Variants in TRARG1 observed in about 807,000 individuals in gnomAD.
The protein encoded by TRARG1 is trafficking regulator of GLUT4 1.
A neutral mutation model predicts 13.3 loss-of-function variants in TRARG1; 16 were observed. The observed-to-expected ratio is 1.20, with a 90% CI of 0.81 to 1.83. TRARG1 has a LOEUF of 1.83. TRARG1 is among the 40% of genes most tolerant of loss of function. The pLI, the probability that TRARG1 is intolerant of heterozygous loss-of-function variation, is 0.00. For synonymous variants in TRARG1, 113 were observed against 106.2 expected, an observed-to-expected ratio of 1.06 and a Z score of -0.39; for missense variants, 250 against 237.4, an observed-to-expected ratio of 1.05 and a Z score of -0.35.
At chr17:1,286,813 TCGGCC>T (rs2072028806) in intron 1 of TRARG1, among the ~76,000 whole-genome samples, 2 of 106,040 alleles carry the variant, frequency 1.9e-5, no homozygotes, top group Admixed American at 1.1e-4. Flanking sequence ...TGGGGTGTTG[TCGGCC>T]TGTGGGGTGT....
rs1399382435 is a variant in TRARG1 at position 1,290,965 on chromosome 17, GCA to G, written c.388-4523_388-4522del. Among the ~76,000 whole-genome samples, 5 of 151,812 alleles carry G rather than the reference GCA, an allele frequency of 3.3e-5. No individual in the cohort carries two copies. In the East Asian group the frequency reaches 5.8e-4, roughly 18 times the overall value. On this transcript the variant is annotated intron_variant, in intron 1 of 2. Transcript: ENST00000333813. ...TTGTGGCCCAGGCTGGAGGGCAGTG[GCA>G]CAGTCTTGGCTCACTGCAACCTCCA...
chr17:1,299,810 C>A lies in TRARG1; in HGVS notation c.*1546C>A, dbSNP rs2072141521. ...GTCAGCATCCTTTGTCCCATCAGGA[C>A]CCTCCTGCCTCCTCTCCAGGCCCTT... On this transcript the variant is annotated 3_prime_UTR_variant, in exon 3 of 3. Coordinates refer to ENST00000333813, the MANE Select transcript of TRARG1 (RefSeq NM_172367.3). 6.5e-6 allele frequency: 1 copy of A among 152,892 alleles called. No homozygotes were observed. Among genetic ancestry groups the A allele is most frequent in the South Asian group, 2.1e-4 (1 of 4,846 alleles). 9.5% of individuals were successfully genotyped at this position (152,892 alleles called of 1,614,324 possible).
At chr17:1,281,549 CA>C (rs1256233234) in intron 1 of TRARG1, among the ~76,000 whole-genome samples, 5 of 152,276 alleles carry the variant, frequency 3.3e-5, no homozygotes, top group East Asian at 3.9e-4. Context: ...TTCAGGACAT[CA>C]GGGGGCACTG....
intron 2 of TRARG1, among the ~76,000 whole-genome samples, chr17:1,296,006 G>A (rs538265433): frequency 6.6e-6 from 1 of 152,280 alleles, no homozygotes; most frequent in South Asian, 2.1e-4. Context: ...AGAGGCTTTT[G>A]TGAGCATCAC....
chr17:1,296,001 C>T (rs2072108278), intron 2 of TRARG1, among the ~76,000 whole-genome samples: 1 of 152,116 alleles, frequency 6.6e-6, no homozygotes, highest in Admixed American at 6.5e-5. Flanking sequence ...CCAGCAGAGG[C>T]TTTTGTGAGC....
Position 1,280,040 on chromosome 17 carries a change from G to C in TRARG1, c.39G>C (p.Gln13His). The stretch of plus-strand genomic sequence containing the variant: ...TGCAGTCCGAGTTTCCTTCAGCACA[G>C]GAGCCAGGCTCCGCCGCATTCCTGG... ...HPVQSEFPSA[Q>H]EPGSAAFLDL... Residue 13 changes from glutamine (Q) to histidine (H), a missense_variant, in exon 1 of 3, where the codon CAG becomes CAC. Coordinates refer to ENST00000333813, the MANE Select transcript of TRARG1 (RefSeq NM_172367.3). 6.2e-7 allele frequency: 1 copy of C among 1,613,292 alleles called. No homozygotes were observed. Among genetic ancestry groups the C allele is most frequent in the Non-Finnish European group, 8.5e-7 (1 of 1,179,986 alleles).
rs867170991 is a variant in TRARG1 at position 1,282,224 on chromosome 17, G to A, written c.387+1836G>A. Among the ~76,000 whole-genome samples, 239 of 115,604 alleles carry A rather than the reference G, an allele frequency of 2.1e-3. 1 individual carries two copies. Among genetic ancestry groups the A allele is most frequent in the African/African-American group, 7.8e-3 (220 of 28,108 alleles). 75.8% of individuals were successfully genotyped at this position (115,604 alleles called of 152,430 possible). On this transcript the variant is annotated intron_variant, in intron 1 of 2. Coordinates refer to ENST00000333813, the MANE Select transcript of TRARG1 (RefSeq NM_172367.3). ...CGTGCGTATATGTACGTATACACGT[G>A]CGTATATGTACGTATATGCACGTAT... is the stretch of plus-strand genomic sequence containing the variant.
intron 1 of TRARG1, among the ~76,000 whole-genome samples, chr17:1,293,594 AGTTTGATGATGTCGTGGGTTGT>A (rs1567932481): frequency 2.3e-5 from 2 of 88,482 alleles, no homozygotes; most frequent in Non-Finnish European, 2.3e-5. Flanking sequence ...TCGTGGGTTG[AGTTTGATGATGTCGTGGGTTGT>A]GTTTGATGAT....
chr17:1,289,217 C>A (rs545696412), intron 1 of TRARG1, among the ~76,000 whole-genome samples: 1 of 16,244 alleles, frequency 6.2e-5, no homozygotes, highest in African/African-American at 4.1e-4. Context: ...CCATCCCCCA[C>A]GGGCTCCTCA....
rs762244907 is a variant in TRARG1, at chr17:1,280,253, G to C, written c.252G>C (p.Arg84Ser). Reference sequence around the variant, plus strand: ...GGTCCCCCTCCCGGGCCAGCTCAAGGAGGGCGTCCTCCATCGCCACCACCT... The same window carrying C: ...GGTCCCCCTCCCGGGCCAGCTCAAGCAGGGCGTCCTCCATCGCCACCACCT... ...LPRSPSRASS[R>S]RASSIATTSY... is the part of the protein sequence containing the mutation. Residue 84 changes from arginine to serine, a missense_variant, in exon 1 of 3, where the codon AGG (arginine) becomes AGC (serine). Physicochemically the swap from Arg to Ser is moderately radical, Grantham distance 110. Coordinates refer to ENST00000333813, the MANE Select transcript of TRARG1 (RefSeq NM_172367.3). The C allele has an allele frequency of 6.2e-7, 1 of 1,614,070 alleles. No homozygotes were observed. The highest frequency in any genetic ancestry group is 2.2e-5 in the East Asian group (1 of 44,880).
intron 1 of TRARG1, among the ~76,000 whole-genome samples, chr17:1,288,866 CACGGGT>C: frequency 8.3e-5 from 1 of 12,046 alleles, no homozygotes; most frequent in Non-Finnish European, 1.7e-4. Flanking sequence ...CCTCATCCCC[CACGGGT>C]TCCCCATCCC....
At chr17:1,292,351 C>T (rs1454702968) in intron 1 of TRARG1, among the ~76,000 whole-genome samples, 3 of 152,220 alleles carry the variant, frequency 2.0e-5, no homozygotes, top group Non-Finnish European at 2.9e-5. Context: ...GTTCCCCACA[C>T]TGCAGACAGA....
intron 1 of TRARG1, among the ~76,000 whole-genome samples, chr17:1,293,067 C>T (rs1012888714): frequency 2.0e-5 from 3 of 152,060 alleles, no homozygotes; most frequent in Non-Finnish European, 4.4e-5. Flanking sequence ...GTGGGCAGAT[C>T]ATGAGGTCAG....
chr17:1,290,167 C>T (rs2072059953), intron 1 of TRARG1, among the ~76,000 whole-genome samples: 1 of 152,208 alleles, frequency 6.6e-6, no homozygotes, highest in South Asian at 2.1e-4. Flanking sequence ...ATCTCCACCC[C>T]GTACTCTACA....
chr17:1,296,277 A>T (rs1283284936), intron 2 of TRARG1, among the ~76,000 whole-genome samples: 2 of 151,744 alleles, frequency 1.3e-5, no homozygotes, highest in Non-Finnish European at 2.9e-5. Flanking sequence ...GCTCACTGCA[A>T]CCTCCGCCTT....
In TRARG1 at chr17:1,295,545, C is replaced by T. The variant is rs1249914097; in HGVS notation, c.442C>T (p.Leu148=). The T allele has an allele frequency of 7.4e-6, 12 of 1,613,116 alleles. No homozygotes were observed. The Admixed American group carries it at 2.0e-4, about 27-fold the overall frequency. ...NVDGARRLGR[L]ARLLSITLII... is the part of the protein sequence containing the mutation. Reference sequence around the variant, plus strand: ...GGACGGCGCCCGGAGGCTGGGCCGCCTGGCTCGGCTGCTCAGCATTACCCT... The same window carrying T: ...GGACGGCGCCCGGAGGCTGGGCCGCTTGGCTCGGCTGCTCAGCATTACCCT... Residue 148 remains leucine (L), a synonymous_variant, in exon 2 of 3, where the codon CTG becomes TTG. Coordinates refer to ENST00000333813, the MANE Select transcript of TRARG1 (RefSeq NM_172367.3).
In TRARG1 at chr17:1,295,527, G is replaced by T; in HGVS notation, c.424G>T (p.Ala142Ser). 1 of 1,612,070 alleles carries T rather than the reference G, an allele frequency of 6.2e-7. No homozygotes were observed. ...SSMQQGNVDG[A>S]RRLGRLARLL... The stretch of plus-strand genomic sequence containing the variant: ...CATGCAACAGGGCAACGTGGACGGC[G>T]CCCGGAGGCTGGGCCGCCTGGCTCG... The change falls in exon 2 of 3, where the codon GCC becomes TCC. Residue 142 changes from alanine to serine, a missense_variant. Physicochemically the swap from Ala to Ser is moderately conservative, Grantham distance 99 (BLOSUM62 1). Transcript: ENST00000333813.
chr17:1,283,883 C>T (rs1176025027), intron 1 of TRARG1, among the ~76,000 whole-genome samples: 12 of 151,866 alleles, frequency 7.9e-5, no homozygotes, highest in Non-Finnish European at 1.6e-4. Context: ...GAGGCCGAGG[C>T]GGGCAGATCA....
intron 1 of TRARG1, among the ~76,000 whole-genome samples, chr17:1,282,336 A>G (rs543302379): frequency 3.3e-5 from 5 of 151,570 alleles, no homozygotes; most frequent in Non-Finnish European, 7.4e-5. Flanking sequence ...ATATGTACGT[A>G]TATGTACATA....
Sources: allele counts gnomAD v4.1 joint callset (sites outside exome capture counted in the v4.1 genomes callset), GRCh38; gene constraint gnomAD v4.1.1; transcripts MANE v1.5; gene names NCBI Gene and HGNC (gene_info 2026-07-23, HGNC 2026-07-21).